Variants in C5orf22 observed in about 807,000 individuals in gnomAD.
The protein encoded by C5orf22 is chromosome 5 open reading frame 22, also known as UPF0489 protein C5orf22.
A neutral mutation model predicts 48.7 loss-of-function variants in C5orf22; 36 were observed. The observed-to-expected ratio is 0.74, with a 90% CI of 0.57 to 0.98. C5orf22 has a LOEUF of 0.98. Among genes scored for constraint, C5orf22 ranks in the 50% least tolerant of loss-of-function variants. C5orf22 has a pLI of 0.00. For missense variants in C5orf22, 486 were observed against 521.9 expected, an observed-to-expected ratio of 0.93 and a Z score of 0.67; for synonymous variants, 141 against 180.8, an observed-to-expected ratio of 0.78 and a Z score of 1.76.
At chr5:31,552,188 C>T (rs1743320342) in intron 8 of C5orf22, among the ~76,000 whole-genome samples, 1 of 152,168 alleles carries the variant, frequency 6.6e-6, no homozygotes, top group Non-Finnish European at 1.5e-5. Context: ...TCCCAAAATA[C>T]AGATATCTGC....
In C5orf22 at chr5:31,554,875, A is replaced by G. The variant is rs995989566; in HGVS notation, c.*1973A>G. Reference sequence around the variant, plus strand: ...TTGAGAATAAAATTCAGTCCCTAATAGTTGAAAAGAATCAACTTAGTAAAT... The same window carrying G: ...TTGAGAATAAAATTCAGTCCCTAATGGTTGAAAAGAATCAACTTAGTAAAT... On this transcript the variant is annotated 3_prime_UTR_variant, in exon 9 of 9. Transcript: ENST00000325366. 2.0e-5 allele frequency: 3 copies of G among 152,236 alleles called. No homozygotes were observed. The East Asian group carries it at 5.8e-4, about 29-fold the overall frequency. The allele number at this position is 152,236 out of a possible 1,614,324, so 9.4% of individuals were successfully genotyped here. A position where few individuals can be genotyped will look rare whatever the true frequency, so the allele number is the denominator to read the frequency against.
intron 6 of C5orf22, among the ~76,000 whole-genome samples, chr5:31,543,005 T>G (rs899401472): frequency 3.3e-5 from 5 of 152,176 alleles, no homozygotes; most frequent in African/African-American, 1.2e-4. Flanking sequence ...TCTAGAAGAA[T>G]ATGGAAAAAG....
At chr5:31,541,430 C>T in intron 6 of C5orf22, 28 bp downstream of exon 6, 1 of 1,608,766 alleles carries the variant, frequency 6.2e-7, no homozygotes, top group Admixed American at 1.7e-5. Flanking sequence ...TTTTTTCCCC[C>T]AACTCTACTA....
intron 7 of C5orf22, among the ~76,000 whole-genome samples, chr5:31,548,931 G>A (rs1427360323): frequency 6.6e-6 from 1 of 152,124 alleles, no homozygotes; most frequent in Non-Finnish European, 1.5e-5. Context: ...AAAACCATCA[G>A]ATCTCCAGCC....
intron 3 of C5orf22, among the ~76,000 whole-genome samples, chr5:31,537,330 A>G (rs1037210072): frequency 6.6e-6 from 1 of 152,264 alleles, no homozygotes; most frequent in African/African-American, 2.4e-5. Context: ...AAATACTTGC[A>G]TGTTTGTATG....
chr5:31,544,692 T>C (rs756219036), intron 6 of C5orf22, among the ~76,000 whole-genome samples: 2 of 152,164 alleles, frequency 1.3e-5, no homozygotes, highest in Non-Finnish European at 2.9e-5. Flanking sequence ...ATCCCAACAC[T>C]TGGGAGGCTA....
rs1743468648 is a variant in C5orf22 at position 31,554,348 on chromosome 5, T to G, written c.*1446T>G. The G allele has an allele frequency of 6.6e-6, 1 of 152,194 alleles. No individual in the cohort carries two copies. The highest frequency in any genetic ancestry group is 2.4e-5 in the African/African-American group (1 of 41,444). 9.4% of individuals were successfully genotyped at this position (152,194 alleles called of 1,614,324 possible). ...TGCTAATAACGAAGGACACACATTA[T>G]CATTGCCTCACAGTGGATGGCACCT... is the stretch of plus-strand genomic sequence containing the variant. On this transcript the variant is annotated 3_prime_UTR_variant, in exon 9 of 9. Coordinates refer to ENST00000325366, the MANE Select transcript of C5orf22 (RefSeq NM_018356.3).
At position 31,538,499 on chromosome 5, in the gene C5orf22, C is replaced by T; in HGVS notation, c.617C>T (p.Thr206Ile). 1.2e-6 allele frequency: 2 copies of T among 1,614,200 alleles called. No individual in the cohort carries two copies. Among genetic ancestry groups the T allele is most frequent in the South Asian group, 1.1e-5 (1 of 91,078 alleles). ...TCTTCAGAAGGACTGGAAAAGGACACAGCAACACAGAGAAGTGACCAGACT... is the reference window on the plus strand; with the variant it reads ...TCTTCAGAAGGACTGGAAAAGGACATAGCAACACAGAGAAGTGACCAGACT... ...DSSSEGLEKD[T>I]ATQRSDQTCL... Residue 206 changes from threonine to isoleucine, a missense_variant, in exon 4 of 9, where the codon ACA becomes ATA. Around this residue, in one of 3 missense-constraint regions of C5orf22, gnomAD observed 408 missense variants for 444.0 expected, o/e 0.92. Transcript: ENST00000325366.
rs1474531071 is a variant in C5orf22 at position 31,553,086 on chromosome 5, A to G, written c.*184A>G. On this transcript the variant is annotated 3_prime_UTR_variant, in exon 9 of 9. Transcript: ENST00000325366. ...GAATGATGGTAAATTTTTTGGCATC[A>G]AGTCTCATAACCCCAACTGATAGAA... The G allele has an allele frequency of 3.9e-6, 2 of 508,752 alleles. No homozygotes were observed. The highest frequency in any genetic ancestry group is 3.1e-5 in the South Asian group (1 of 32,692). 31.5% of individuals were successfully genotyped at this position (508,752 alleles called of 1,614,324 possible).
intron 3 of C5orf22, 71 bp from the exon 4 acceptor site, chr5:31,538,189 C>A: frequency 8.9e-7 from 1 of 1,129,644 alleles, no homozygotes; most frequent in Non-Finnish European, 1.3e-6. Context: ...TCTTATATTT[C>A]TGCCATACCA....
At chr5:31,549,704 C>A (rs1360446509) in intron 7 of C5orf22, among the ~76,000 whole-genome samples, 3 of 151,918 alleles carry the variant, frequency 2.0e-5, no homozygotes, top group Non-Finnish European at 4.4e-5. Flanking sequence ...GGCAAAACCC[C>A]ATCTCTACAA....
intron 4 of C5orf22, among the ~76,000 whole-genome samples, chr5:31,539,892 T>A (rs1431823767): frequency 6.6e-6 from 1 of 151,920 alleles, no homozygotes; most frequent in Non-Finnish European, 1.5e-5. Context: ...AAAAAAAATT[T>A]TTTTTTTAAT....
chr5:31,532,492 G>T lies in C5orf22; in HGVS notation c.81+19G>T, dbSNP rs575873992. 21 of 1,605,168 alleles carry T rather than the reference G, an allele frequency of 1.3e-5. 1 individual carries two copies. In the South Asian group the frequency reaches 2.3e-4, roughly 18 times the overall value. Reference sequence around the variant, plus strand: ...TCAGGAGGTGAGCGGACGGCAACAGGGCTCTGGGGCAGAATCAGCGGAAGC... The same window carrying T: ...TCAGGAGGTGAGCGGACGGCAACAGTGCTCTGGGGCAGAATCAGCGGAAGC... On this transcript the variant is annotated intron_variant, in intron 1 of 8. Transcript: ENST00000325366.
rs188741565 is a variant in C5orf22, at chr5:31,549,454, T to A, written c.1060-1839T>A. Among the ~76,000 whole-genome samples the A allele has an allele frequency of 2.3e-4, 34 of 149,220 alleles. 1 individual carries two copies. In the East Asian group the frequency reaches 6.6e-3, roughly 29 times the overall value. On this transcript the variant is annotated intron_variant, in intron 7 of 8. Coordinates refer to ENST00000325366, the MANE Select transcript of C5orf22 (RefSeq NM_018356.3). ...ACCTAAGCAAATCCAAGACTTAAAC[T>A]TTTTTGTTTAACTTTTTTTTTTTTC...
chr5:31,553,025 G>C lies in C5orf22; in HGVS notation c.*123G>C. 2 of 952,418 alleles carry C rather than the reference G, an allele frequency of 2.1e-6. No homozygotes were observed. Among genetic ancestry groups the C allele is most frequent in the Non-Finnish European group, 3.0e-6 (2 of 667,082 alleles). 59.0% of individuals were successfully genotyped at this position (952,418 alleles called of 1,614,324 possible). A position where few individuals can be genotyped will look rare whatever the true frequency, so the allele number is the denominator to read the frequency against. On this transcript the variant is annotated 3_prime_UTR_variant, in exon 9 of 9. Coordinates refer to ENST00000325366, the MANE Select transcript of C5orf22 (RefSeq NM_018356.3). ...ATTAACTTTCAGTTGAAATCTTTCA[G>C]ATATTTTGAATCTCTGAACAACCAT...
intron 4 of C5orf22, among the ~76,000 whole-genome samples, chr5:31,540,507 G>T: frequency 6.6e-6 from 1 of 152,180 alleles, no homozygotes; most frequent in East Asian, 1.9e-4. Flanking sequence ...TAGAGAAATG[G>T]CTGCAAAGTG....
At chr5:31,541,436 TACTA>T (rs1197863713) in intron 6 of C5orf22, 34 bp downstream of exon 6, 1 of 1,608,004 alleles carries the variant, frequency 6.2e-7, no homozygotes, top group African/African-American at 1.3e-5. Flanking sequence ...CCCCCAACTC[TACTA>T]ACTTTCAGTC....
At chr5:31,548,256 G>A (rs2150079626) in intron 7 of C5orf22, among the ~76,000 whole-genome samples, 1 of 151,318 alleles carries the variant, frequency 6.6e-6, no homozygotes, top group African/African-American at 2.4e-5. Context: ...AGCCGAGATG[G>A]TACCACTGCA....
At chr5:31,542,287 A>T (rs1252068393) in intron 6 of C5orf22, among the ~76,000 whole-genome samples, 1 of 151,264 alleles carries the variant, frequency 6.6e-6, no homozygotes, top group Non-Finnish European at 1.5e-5. Flanking sequence ...AGTCTCTACT[A>T]AAAATACCAA....
Sources: allele counts gnomAD v4.1 joint callset (sites outside exome capture counted in the v4.1 genomes callset), GRCh38; gene constraint gnomAD v4.1.1; regional missense constraint gnomAD v4.1.1; transcripts MANE v1.5; gene names NCBI Gene and HGNC (gene_info 2026-07-23, HGNC 2026-07-21).